The following ZFPM2 variants were observed in gnomAD, a reference collection of about 807,000 sequenced individuals.
The protein encoded by ZFPM2 is zinc finger protein, FOG family member 2.
Under a neutral mutation model 98.6 loss-of-function variants are expected in ZFPM2, and 20 were observed. The observed-to-expected ratio is 0.20, with a 90% CI of 0.14 to 0.29. The LOEUF (loss-of-function observed/expected upper bound fraction) is 0.29, where lower values mean the gene tolerates loss of function less well. ZFPM2 is among the 10% of genes least tolerant of loss of function. The pLI is 1.00. For missense variants in ZFPM2, 1,310 were observed against 1,388.6 expected, an observed-to-expected ratio of 0.94 and a Z score of 0.90; for synonymous variants, 518 against 502.7, an observed-to-expected ratio of 1.03 and a Z score of -0.41.
chr8:105,656,961 G>A (rs1817297816), intron 5 of ZFPM2, among the ~76,000 whole-genome samples: 1 of 152,160 alleles, frequency 6.6e-6, no homozygotes, highest in East Asian at 1.9e-4. Context: ...ATGAATAAAT[G>A]CATGCTTTGG....
chr8:105,548,365 T>C (rs2130650644), intron 3 of ZFPM2, among the ~76,000 whole-genome samples: 1 of 152,258 alleles, frequency 6.6e-6, no homozygotes, highest in African/African-American at 2.4e-5. Context: ...AATTTAAAAG[T>C]CATTTTCCAA....
chr8:105,516,227 A>G (rs1195118030), intron 3 of ZFPM2, among the ~76,000 whole-genome samples: 1 of 152,090 alleles, frequency 6.6e-6, no homozygotes, highest in Admixed American at 6.6e-5. Flanking sequence ...TGCCCAGCCA[A>G]AAAGAATAAA....
At chr8:105,590,037 G>A (rs1242149850) in intron 4 of ZFPM2, among the ~76,000 whole-genome samples, 1 of 152,008 alleles carries the variant, frequency 6.6e-6, no homozygotes, top group African/African-American at 2.4e-5. Flanking sequence ...TTCATTTTCT[G>A]ATCCATTTTG....
At chr8:105,493,356 T>C (rs1268057856) in intron 3 of ZFPM2, among the ~76,000 whole-genome samples, 1 of 152,198 alleles carries the variant, frequency 6.6e-6, no homozygotes, top group Non-Finnish European at 1.5e-5. Flanking sequence ...AGAATCCTTT[T>C]TGGAAAAGCA....
At chr8:105,529,327 T>A (rs1285008998) in intron 3 of ZFPM2, among the ~76,000 whole-genome samples, 1 of 152,142 alleles carries the variant, frequency 6.6e-6, no homozygotes, top group East Asian at 1.9e-4. Context: ...GGTTAGGATT[T>A]CATATGCATT....
At chr8:105,656,071 A>G (rs1817278793) in intron 5 of ZFPM2, among the ~76,000 whole-genome samples, 2 of 152,086 alleles carry the variant, frequency 1.3e-5, no homozygotes, top group Admixed American at 1.3e-4. Context: ...TAATTCCTAT[A>G]CTCATGAGCT....
intron 5 of ZFPM2, among the ~76,000 whole-genome samples, chr8:105,729,314 G>C (rs1228223905): frequency 1.1e-4 from 16 of 151,386 alleles, no homozygotes. Context: ...ATTACAATGA[G>C]CCTTAATTAA....
At chr8:105,350,071 G>T (rs536146732) in intron 1 of ZFPM2, among the ~76,000 whole-genome samples, 2 of 152,082 alleles carry the variant, frequency 1.3e-5, no homozygotes, top group Non-Finnish European at 2.9e-5. Flanking sequence ...AAGATTAGTG[G>T]ATTAAATGAT....
chr8:105,336,243 AGAC>A (rs899989435), intron 1 of ZFPM2, among the ~76,000 whole-genome samples: 10 of 151,832 alleles, frequency 6.6e-5, no homozygotes, highest in African/African-American at 2.4e-4. Context: ...CCATTTGTAA[AGAC>A]GAGGTTATTA....
At chr8:105,548,640 T>C (rs1053498316) in intron 3 of ZFPM2, among the ~76,000 whole-genome samples, 2 of 152,144 alleles carry the variant, frequency 1.3e-5, no homozygotes, top group African/African-American at 4.8e-5. Context: ...GAAGACATTC[T>C]TTCTGATTTC....
At chr8:105,615,336 C>T (rs1360261992) in intron 4 of ZFPM2, among the ~76,000 whole-genome samples, 1 of 152,196 alleles carries the variant, frequency 6.6e-6, no homozygotes, top group Non-Finnish European at 1.5e-5. Flanking sequence ...GCATTTTGCT[C>T]TAAGAATGTC....
chr8:105,529,493 G>A (rs1235131596), intron 3 of ZFPM2, among the ~76,000 whole-genome samples: 3 of 151,750 alleles, frequency 2.0e-5, no homozygotes, highest in Non-Finnish European at 4.4e-5. Flanking sequence ...TGAGTAACAC[G>A]GAATATGTTG....
intron 4 of ZFPM2, among the ~76,000 whole-genome samples, chr8:105,564,918 T>C (rs1815212651): frequency 6.6e-6 from 1 of 152,158 alleles, no homozygotes; most frequent in African/African-American, 2.4e-5. Context: ...TACTATAATA[T>C]GTATTTGAAA....
chr8:105,552,881 C>T (rs1755316466), intron 3 of ZFPM2, among the ~76,000 whole-genome samples: 1 of 149,962 alleles, frequency 6.7e-6, no homozygotes, highest in Non-Finnish European at 1.5e-5. Context: ...CAGTGGCACA[C>T]CTGTAGTCCT....
At chr8:105,348,141 G>T (rs1812574242) in intron 1 of ZFPM2, among the ~76,000 whole-genome samples, 1 of 152,130 alleles carries the variant, frequency 6.6e-6, no homozygotes, top group Non-Finnish European at 1.5e-5. Context: ...CCTCTCACAG[G>T]TTGCATCATA....
At chr8:105,475,206 G>A (rs962998447) in intron 3 of ZFPM2, among the ~76,000 whole-genome samples, 8 of 152,146 alleles carry the variant, frequency 5.3e-5, no homozygotes, top group Admixed American at 2.6e-4. Context: ...TTTTTAGAGC[G>A]TAATCATTTT....
At chr8:105,634,190 C>A in intron 4 of ZFPM2, 56 bp from the exon 5 acceptor site, 2 of 1,329,468 alleles carry the variant, frequency 1.5e-6, no homozygotes, top group African/African-American at 1.5e-5. Flanking sequence ...AGTTATTATT[C>A]AAGTTTTTAA....
chr8:105,516,259 CT>C (rs1813919500), intron 3 of ZFPM2, among the ~76,000 whole-genome samples: 1 of 152,070 alleles, frequency 6.6e-6, no homozygotes, highest in South Asian at 2.1e-4. Flanking sequence ...TAGTCATGTC[CT>C]GTCTGTTACC....
intron 5 of ZFPM2, among the ~76,000 whole-genome samples, chr8:105,654,887 A>G (rs1446359498): frequency 6.6e-6 from 1 of 152,158 alleles, no homozygotes; most frequent in East Asian, 1.9e-4. Context: ...TATTTTCTTC[A>G]CCCCATTAAA....
Sources: allele counts gnomAD v4.1 joint callset (sites outside exome capture counted in the v4.1 genomes callset), GRCh38; gene constraint gnomAD v4.1.1; transcripts MANE v1.5; gene names NCBI Gene and HGNC (gene_info 2026-07-23, HGNC 2026-07-21).